ATG7: variants seen among roughly 807,000 people sequenced by gnomAD.
ATG7 encodes ubiquitin-like modifier-activating enzyme ATG7.
Under a neutral mutation model 82.4 loss-of-function variants are expected in ATG7, and 70 were observed. The ratio of observed to expected loss-of-function variants is 0.85; its 90% CI spans 0.70 to 1.04. The LOEUF is 1.04. ATG7 is among the 50% of genes least tolerant of loss of function. The pLI is 0.00. For synonymous variants in ATG7, 287 were observed against 313.0 expected (o/e 0.92, Z 0.88); for missense variants, 792 against 864.3 (o/e 0.92, Z 1.05).
At chr3:11,317,187 A>G (rs1374343352) in intron 9 of ATG7, among the ~76,000 whole-genome samples, 1 of 152,148 alleles carries the variant, frequency 6.6e-6, no homozygotes, top group East Asian at 1.9e-4. Context: ...AATTTTTATT[A>G]AAATTCTTTC....
chr3:11,563,675 G>A, the ATG7 span, among the ~76,000 whole-genome samples: 2 of 152,214 alleles, frequency 1.3e-5, no homozygotes, highest in South Asian at 4.1e-4. Context: ...CTCTCCTCCA[G>A]ACTAAAACTG....
Position 11,553,244 on chromosome 3 carries a change from C to T in ATG7, c.2080-1567C>T, listed in dbSNP as rs370010186. The stretch of plus-strand genomic sequence containing the variant: ...GTGTGATCTCAGGCCAATTGCCTTA[C>T]CTCTCTGGGCTTGTTTCCATCTTCA... On this transcript the variant is annotated intron_variant, in intron 20 of 20. Transcript: ENST00000693202. Among the ~76,000 whole-genome samples the T allele has an allele frequency of 4.6e-5, 7 of 151,102 alleles. No homozygotes were observed. In the East Asian group the frequency reaches 5.9e-4, roughly 13 times the overall value.
intron 20 of ATG7, among the ~76,000 whole-genome samples, chr3:11,501,745 A>T (rs1018101495): frequency 6.6e-6 from 1 of 152,146 alleles, no homozygotes; most frequent in Non-Finnish European, 1.5e-5. Flanking sequence ...GCTGGAGTGC[A>T]GTGGTGCGAT....
chr3:11,419,357 G>C (rs1451032643), intron 19 of ATG7, among the ~76,000 whole-genome samples: 2 of 152,024 alleles, frequency 1.3e-5, no homozygotes, highest in African/African-American at 2.4e-5. Context: ...GTTCTGAGAC[G>C]AGCCTGGGCA....
intron 20 of ATG7, chr3:11,529,422 T>G (rs1360758354): frequency 2.0e-5 from 3 of 152,388 alleles, no homozygotes; most frequent in Non-Finnish European, 4.4e-5. Context: ...ATACGTGGCT[T>G]CAAACAGAGA....
intron 11 of ATG7, among the ~76,000 whole-genome samples, chr3:11,336,249 G>T (rs913722480): frequency 6.6e-5 from 10 of 151,700 alleles, no homozygotes. Context: ...ACCCAGGCTG[G>T]TCTTGAACTC....
chr3:11,398,492 T>C lies in ATG7; in HGVS notation c.1956+18440T>C, dbSNP rs558927104. Among the ~76,000 whole-genome samples, 22 of 152,304 alleles carry C rather than the reference T, an allele frequency of 1.4e-4. No homozygotes were observed. The South Asian group carries it at 3.9e-3, about 27-fold the overall frequency. On this transcript the variant is annotated intron_variant, in intron 19 of 20. Transcript: ENST00000693202. ...TAAAACTCATTAATTAAGGATGACA[T>C]AATGGAAATTAAGAACTATTTTAAC... is the stretch of plus-strand genomic sequence containing the variant.
intron 18 of ATG7, among the ~76,000 whole-genome samples, chr3:11,378,684 C>CTAAAAAAAA (rs1237070860): frequency 4.3e-5 from 1 of 23,002 alleles, no homozygotes. Flanking sequence ...GACTCCATCT[C>CTAAAAAAAA]CAAAAAAAAA....
chr3:11,565,660 CCAGGACACACGAG>C, the ATG7 span, among the ~76,000 whole-genome samples: 2 of 152,200 alleles, frequency 1.3e-5, no homozygotes, highest in Non-Finnish European at 2.9e-5. The surrounding 1 kb of genome is among the most constrained non-coding windows in gnomAD (Gnocchi z 4.1). Flanking sequence ...GCTCTCTCGT[CCAGGACACACGAG>C]CAGGAGTGAC....
intron 19 of ATG7, among the ~76,000 whole-genome samples, chr3:11,386,787 T>C (rs73127259): frequency 0.013 from 1,908 of 152,352 alleles, 38 homozygotes; most frequent in African/African-American, 0.043. Flanking sequence ...GTATAAAATA[T>C]ATCCCACATC....
At chr3:11,276,863 A>G (rs1575095805) in intron 1 of ATG7, among the ~76,000 whole-genome samples, 1 of 152,160 alleles carries the variant, frequency 6.6e-6, no homozygotes, top group African/African-American at 2.4e-5. Context: ...GTTCTGTATC[A>G]TAGCCCGAAT....
chr3:11,428,673 G>A (rs1451119693), intron 20 of ATG7, among the ~76,000 whole-genome samples: 1 of 152,180 alleles, frequency 6.6e-6, no homozygotes, highest in Non-Finnish European at 1.5e-5. Flanking sequence ...ATTGTCTGCC[G>A]TATTATCTTT....
At chr3:11,380,667 G>C (rs2077824440) in intron 19 of ATG7, among the ~76,000 whole-genome samples, 1 of 152,218 alleles carries the variant, frequency 6.6e-6, no homozygotes, top group African/African-American at 2.4e-5. Flanking sequence ...CATGCACACT[G>C]TATGTGATAG....
rs541703152 is a variant in ATG7, at chr3:11,366,201, A to C, written c.1875+1467A>C. On this transcript the variant is annotated intron_variant, in intron 18 of 20. Coordinates refer to ENST00000693202, the MANE Select transcript of ATG7 (RefSeq NM_001349232.2). The stretch of plus-strand genomic sequence containing the variant: ...GCCATTGCACTGTGGCCTGGGCGAC[A>C]GAGTGAGACTCCATCTCAAAAAAAA... 1.2e-4 allele frequency among the ~76,000 whole-genome samples: 18 copies of C among 147,888 alleles called. No homozygotes were observed. The South Asian group carries it at 3.5e-3, about 29-fold the overall frequency.
chr3:11,509,003 CAG>C (rs1681502409), intron 20 of ATG7, among the ~76,000 whole-genome samples: 1 of 152,214 alleles, frequency 6.6e-6, no homozygotes, highest in Admixed American at 6.5e-5. Flanking sequence ...TCCAAACAAA[CAG>C]ATCCCTTGAG....
chr3:11,447,470 GA>G (rs764275667), intron 20 of ATG7, among the ~76,000 whole-genome samples: 491 of 135,262 alleles, frequency 3.6e-3, no homozygotes, highest in Middle Eastern at 7.8e-3. Context: ...CCGTCTCAGG[GA>G]AAAAAAAAAA....
At chr3:11,480,221 G>T (rs1030586440) in intron 20 of ATG7, among the ~76,000 whole-genome samples, 1 of 151,818 alleles carries the variant, frequency 6.6e-6, no homozygotes, top group Non-Finnish European at 1.5e-5. Context: ...ATGAGCCACC[G>T]CACCCGGCCT....
the ATG7 span, among the ~76,000 whole-genome samples, chr3:11,569,777 A>T: frequency 6.6e-6 from 1 of 152,156 alleles, no homozygotes; most frequent in Admixed American, 6.5e-5. Flanking sequence ...AGCTACTTGG[A>T]GGCTGAAGTG....
intron 20 of ATG7, among the ~76,000 whole-genome samples, chr3:11,522,395 C>G (rs1056341354): frequency 4.6e-5 from 7 of 152,084 alleles, no homozygotes; most frequent in African/African-American, 1.7e-4. Flanking sequence ...GGTGGGTTTA[C>G]AGTAATTTGG....
Sources: allele counts gnomAD v4.1 joint callset (sites outside exome capture counted in the v4.1 genomes callset), GRCh38; gene constraint gnomAD v4.1.1; non-coding constraint Gnocchi (gnomAD v3.1); transcripts MANE v1.5; gene names NCBI Gene and HGNC (gene_info 2026-07-23, HGNC 2026-07-21).